CDC42BPA: variants seen among roughly 807,000 people sequenced by gnomAD.
CDC42BPA encodes the protein serine/threonine-protein kinase MRCK alpha.
A neutral mutation model predicts 223.5 loss-of-function variants in CDC42BPA; 80 were observed. The observed-to-expected ratio is 0.36, with a 90% CI of 0.30 to 0.43. The LOEUF (loss-of-function observed/expected upper bound fraction) is 0.43. Among genes scored for constraint, CDC42BPA ranks in the 20% least tolerant of loss-of-function variants. CDC42BPA has a pLI of 1.00. For synonymous variants in CDC42BPA, 694 were observed against 718.6 expected (o/e 0.97, Z 0.55); for missense variants, 1,743 against 2,099.9 (o/e 0.83, Z 3.32).
At chr1:227,258,959 A>C (rs1683579899) in intron 1 of CDC42BPA, among the ~76,000 whole-genome samples, 1 of 151,172 alleles carries the variant, frequency 6.6e-6, no homozygotes, top group African/African-American at 2.5e-5. Flanking sequence ...ATAAGGGACT[A>C]ATCAGATCTG....
At position 227,254,212 on chromosome 1, in the gene CDC42BPA, TATAA is replaced by T. The variant is rs1327417772; in HGVS notation, c.179-61_179-58del. 15 of 883,038 alleles carry T rather than the reference TATAA, an allele frequency of 1.7e-5. No homozygotes were observed. The Admixed American group carries it at 1.9e-4, about 11-fold the overall frequency. 54.7% of individuals were successfully genotyped at this position (883,038 alleles called of 1,614,324 possible). On this transcript the variant is annotated intron_variant, in intron 1 of 36. Transcript: ENST00000366766. The stretch of plus-strand genomic sequence containing the variant: ...TTAATAAAATGTGATGCAAATTAGA[TATAA>T]ATAATGGTGTTTCTTAGTTACACAA...
chr1:227,069,600 A>T (rs1257405866), intron 21 of CDC42BPA, 177 bp downstream of exon 21: 2 of 443,242 alleles, frequency 4.5e-6, no homozygotes, highest in East Asian at 6.9e-5. Context: ...CAGAGGTGGG[A>T]TTATAGTCTC....
chr1:227,291,486 T>C (rs1572895691), intron 1 of CDC42BPA, among the ~76,000 whole-genome samples: 1 of 151,588 alleles, frequency 6.6e-6, no homozygotes, highest in African/African-American at 2.4e-5. Flanking sequence ...GAGGCGGAGG[T>C]TGTAGTGAGC....
chr1:227,126,664 C>A (rs1391586872), intron 11 of CDC42BPA, among the ~76,000 whole-genome samples: 1 of 152,146 alleles, frequency 6.6e-6, no homozygotes, highest in Non-Finnish European at 1.5e-5. Flanking sequence ...TGGTTTACAA[C>A]AGGGATGTAT....
At chr1:227,111,286 C>T (rs749717479) in intron 14 of CDC42BPA, among the ~76,000 whole-genome samples, 3 of 152,086 alleles carry the variant, frequency 2.0e-5, no homozygotes, top group Non-Finnish European at 4.4e-5. Context: ...AGATAAAAGG[C>T]AGATACCACA....
chr1:227,089,102 T>G (rs778292056), intron 16 of CDC42BPA, among the ~76,000 whole-genome samples: 1 of 152,212 alleles, frequency 6.6e-6, no homozygotes, highest in Non-Finnish European at 1.5e-5. Context: ...AAAAATTTAT[T>G]TAAACGTTTT....
chr1:227,013,072 T>C (rs960647393), intron 34 of CDC42BPA, among the ~76,000 whole-genome samples: 2 of 152,146 alleles, frequency 1.3e-5, no homozygotes, highest in Admixed American at 1.3e-4. Flanking sequence ...CTTTGATGCA[T>C]ACTACATGTA....
intron 1 of CDC42BPA, among the ~76,000 whole-genome samples, chr1:227,276,308 G>T (rs1488166772): frequency 6.6e-6 from 1 of 151,018 alleles, no homozygotes; most frequent in East Asian, 2.0e-4. Flanking sequence ...CGTCTGGGAG[G>T]TGAGGAGCGT....
At chr1:227,076,008 G>T (rs1679392409) in intron 17 of CDC42BPA, among the ~76,000 whole-genome samples, 1 of 152,032 alleles carries the variant, frequency 6.6e-6, no homozygotes, top group Admixed American at 6.6e-5. Context: ...ATTACATGTT[G>T]AACACATTTA....
chr1:227,132,900 GC>G (rs1657522077), intron 10 of CDC42BPA, among the ~76,000 whole-genome samples: 2 of 147,640 alleles, frequency 1.4e-5, no homozygotes, highest in South Asian at 4.5e-4. Context: ...CCTGGCAACC[GC>G]CCCGACTGAG....
intron 2 of CDC42BPA, among the ~76,000 whole-genome samples, chr1:227,238,463 C>G (rs567203882): frequency 9.8e-4 from 149 of 152,102 alleles, no homozygotes; most frequent in African/African-American, 3.5e-3. Context: ...TGAATACAAC[C>G]ACATCCATCA....
intron 20 of CDC42BPA, 149 bp downstream of exon 20, chr1:227,072,059 C>CAT: frequency 2.1e-6 from 1 of 467,704 alleles, no homozygotes; most frequent in Non-Finnish European, 3.8e-6. Flanking sequence ...GCACATGCAT[C>CAT]ATATATACAC....
chr1:227,254,378 A>C (rs1682688806), intron 1 of CDC42BPA, among the ~76,000 whole-genome samples: 1 of 152,200 alleles, frequency 6.6e-6, no homozygotes, highest in African/African-American at 2.4e-5. Context: ...TTTGGTGAGA[A>C]ATGTATGTTT....
intron 1 of CDC42BPA, among the ~76,000 whole-genome samples, chr1:227,305,014 G>A (rs896541102): frequency 6.6e-6 from 1 of 152,052 alleles, no homozygotes; most frequent in Admixed American, 6.6e-5. Context: ...CATAATAAGT[G>A]GCCATTCCCT....
chr1:227,044,765 T>G (rs1672076131), intron 23 of CDC42BPA, among the ~76,000 whole-genome samples: 2 of 152,210 alleles, frequency 1.3e-5, no homozygotes, highest in Admixed American at 1.3e-4. Context: ...AATTTATATG[T>G]AATGTCTAAG....
Position 227,073,875 on chromosome 1 carries a change from G to C in CDC42BPA, c.2724C>G (p.Ile908Met), listed in dbSNP as rs1678937774. 1.9e-6 allele frequency: 3 copies of C among 1,590,832 alleles called. No homozygotes were observed. Among genetic ancestry groups the C allele is most frequent in the Non-Finnish European group, 2.6e-6 (3 of 1,172,354 alleles). ...EELNKVKASN[I>M]ITECKLKDSE... is the part of the protein sequence containing the mutation. The stretch of plus-strand genomic sequence containing the variant: ...TGATTCAATCTTACCATTCTGTTAT[G>C]ATATTAGATGCTTTAACTTTATTCA... Residue 908 changes from isoleucine (I) to methionine (M), a missense_variant, in exon 19 of 37, where the codon ATC (isoleucine) becomes ATG (methionine). Physicochemically the swap from Ile to Met is conservative, Grantham distance 10. This residue lies in a region of CDC42BPA where 678 missense variants were observed against 777.5 expected (regional missense o/e 0.87). Coordinates refer to ENST00000366766, the MANE Select transcript of CDC42BPA (RefSeq NM_001394014.1).
chr1:227,156,040 G>A (rs12747807), intron 6 of CDC42BPA, among the ~76,000 whole-genome samples: 17,351 of 151,996 alleles, frequency 0.11, 1,266 homozygotes, highest in South Asian at 0.23. Flanking sequence ...GATAGAGCAA[G>A]ACCCTGCCTC....
intron 5 of CDC42BPA, among the ~76,000 whole-genome samples, chr1:227,163,507 G>A (rs895425960): frequency 1.5e-4 from 4 of 26,598 alleles, no homozygotes; most frequent in Admixed American, 4.0e-4. Context: ...ATACAGTTGA[G>A]AATCTTTTCA....
At chr1:227,282,128 T>C (rs185755077) in intron 1 of CDC42BPA, among the ~76,000 whole-genome samples, 27 of 143,538 alleles carry the variant, frequency 1.9e-4, no homozygotes, top group Non-Finnish European at 3.0e-4. Flanking sequence ...GCAGAGGTTG[T>C]GGTGAGTCGA....
Sources: gnomAD v4.1 joint callset for allele counts (sites outside exome capture counted in the v4.1 genomes callset) on GRCh38, gnomAD v4.1.1 for gene constraint, gnomAD v4.1.1 regional missense constraint, MANE v1.5 for transcripts, NCBI Gene and HGNC (gene_info 2026-07-23, HGNC 2026-07-21) for gene names.